MAP7: variants seen among roughly 807,000 people sequenced by gnomAD.
The protein encoded by MAP7 is ensconsin.
In MAP7, 52 loss-of-function variants were observed where a neutral mutation model predicts 94.8. That is an observed-to-expected ratio of 0.55 (90% CI 0.44 to 0.69). The LOEUF is 0.69. Ranked by LOEUF, MAP7 falls within the 30% of genes least tolerant of loss-of-function variation. MAP7 has a pLI of 0.00. For synonymous variants in MAP7, 350 were observed against 357.0 expected (o/e 0.98, Z 0.22); for missense variants, 940 against 964.6 (o/e 0.97, Z 0.34).
chr6:136,348,333 C>T (rs996241208), intron 16 of MAP7, among the ~76,000 whole-genome samples: 4 of 152,170 alleles, frequency 2.6e-5, no homozygotes, highest in African/African-American at 9.7e-5. Flanking sequence ...CTCCACCTGC[C>T]CATTCTACCT....
chr6:136,544,853 G>A (rs150066627), intron 1 of MAP7, among the ~76,000 whole-genome samples: 21 of 152,090 alleles, frequency 1.4e-4, no homozygotes, highest in African/African-American at 4.3e-4. Context: ...CCAGCTACTC[G>A]AACAGCTAAG....
chr6:136,518,659 T>G (rs2129043984), intron 1 of MAP7, among the ~76,000 whole-genome samples: 1 of 152,306 alleles, frequency 6.6e-6, no homozygotes, highest in East Asian at 1.9e-4. Flanking sequence ...TCATTGCTCT[T>G]AAGTTTCTGC....
chr6:136,389,100 T>A (rs895566693), intron 4 of MAP7, among the ~76,000 whole-genome samples: 1 of 152,202 alleles, frequency 6.6e-6, no homozygotes, highest in Non-Finnish European at 1.5e-5. Context: ...TCAGTACAGA[T>A]GAATTGCACT....
In MAP7 at chr6:136,388,488, C is replaced by T. The variant is rs769695371; in HGVS notation, c.431G>A (p.Arg144Gln). 2.5e-5 allele frequency: 41 copies of T among 1,613,912 alleles called. No individual in the cohort carries two copies. Among genetic ancestry groups the T allele is most frequent in the Middle Eastern group, 1.6e-4 (1 of 6,080 alleles). The change falls in exon 5 of 18, where the codon CGG (arginine) becomes CAG (glutamine). Residue 144 changes from arginine to glutamine, a missense_variant. Coordinates refer to ENST00000354570, the MANE Select transcript of MAP7 (RefSeq NM_003980.6). ...EDKERHEAVVRRTMERSQKPK... is the reference protein window; with the variant it reads ...EDKERHEAVVQRTMERSQKPK... ...CTTCTGGCTCCTTTCCATTGTGCGC[C>T]GTACAACAGCTTCGTGGCGTTCCTT...
intron 1 of MAP7, among the ~76,000 whole-genome samples, chr6:136,444,262 A>G (rs1798694429): frequency 6.6e-6 from 1 of 152,166 alleles, no homozygotes. Context: ...CCCCAACTCA[A>G]TGTATGAAAT....
chr6:136,481,050 A>G (rs1459705959), intron 1 of MAP7, among the ~76,000 whole-genome samples: 1 of 152,202 alleles, frequency 6.6e-6, no homozygotes, highest in Non-Finnish European at 1.5e-5. Flanking sequence ...AGAGAAATGC[A>G]AATCAAAACT....
chr6:136,416,699 G>T (rs1789547195), intron 2 of MAP7, among the ~76,000 whole-genome samples: 1 of 152,070 alleles, frequency 6.6e-6, no homozygotes, highest in East Asian at 1.9e-4. Flanking sequence ...CAAGCTACTT[G>T]GGAGGCTGAG....
At chr6:136,474,623 G>A (rs1318544307) in intron 1 of MAP7, among the ~76,000 whole-genome samples, 1 of 152,088 alleles carries the variant, frequency 6.6e-6, no homozygotes, top group Non-Finnish European at 1.5e-5. Flanking sequence ...TAAAATCTGT[G>A]ACAATGTGAT....
intron 1 of MAP7, among the ~76,000 whole-genome samples, chr6:136,510,103 G>A (rs184082784): frequency 1.3e-5 from 2 of 152,306 alleles, no homozygotes; most frequent in Admixed American, 1.3e-4. Flanking sequence ...TCGGGAGGCT[G>A]AGACAGGAGA....
At chr6:136,419,610 G>A (rs562343647) in intron 2 of MAP7, among the ~76,000 whole-genome samples, 2 of 152,200 alleles carry the variant, frequency 1.3e-5, no homozygotes, top group East Asian at 1.9e-4. Flanking sequence ...TTCCCAATAA[G>A]CTCTTATTTT....
intron 1 of MAP7, among the ~76,000 whole-genome samples, chr6:136,433,141 A>G (rs1406742789): frequency 6.6e-6 from 1 of 152,222 alleles, no homozygotes; most frequent in African/African-American, 2.4e-5. Context: ...TCTGAAAAAA[A>G]ACTATGTATA....
At chr6:136,509,918 T>C (rs9389398) in intron 1 of MAP7, among the ~76,000 whole-genome samples, 41,519 of 152,062 alleles carry the variant, frequency 0.27, 7,343 homozygotes, top group African/African-American at 0.49. Flanking sequence ...GATTGAGGTA[T>C]ATGCTGGGCG....
At chr6:136,544,093 T>C (rs1829540993) in intron 1 of MAP7, among the ~76,000 whole-genome samples, 1 of 152,050 alleles carries the variant, frequency 6.6e-6, no homozygotes, top group African/African-American at 2.4e-5. Flanking sequence ...GGCTAATTTT[T>C]GTATTTTCAG....
At chr6:136,422,292 C>A (rs933643588) in intron 1 of MAP7, among the ~76,000 whole-genome samples, 1 of 152,168 alleles carries the variant, frequency 6.6e-6, no homozygotes, top group South Asian at 2.1e-4. Context: ...TAACAGCAGA[C>A]CATGGAAATC....
At chr6:136,392,059 C>T (rs564831853) in intron 3 of MAP7, among the ~76,000 whole-genome samples, 1 of 152,290 alleles carries the variant, frequency 6.6e-6, no homozygotes, top group Admixed American at 6.5e-5. Context: ...GCACCTTGTA[C>T]CAAAGTACAC....
chr6:136,376,712 T>C lies in MAP7; in HGVS notation c.751+1043A>G, dbSNP rs116730111. Among the ~76,000 whole-genome samples, 577 of 152,370 alleles carry C rather than the reference T, an allele frequency of 3.8e-3. 4 individuals carry two copies. The highest frequency in any genetic ancestry group is 0.013 in the African/African-American group (555 of 41,588). ...TGGCTTTGGTGTAAGTCACTTATTGTCGCTGCACTTGGTTTTCATAAGAAG... is the reference window on the plus strand; with the variant it reads ...TGGCTTTGGTGTAAGTCACTTATTGCCGCTGCACTTGGTTTTCATAAGAAG... On this transcript the variant is annotated intron_variant, in intron 7 of 17. Coordinates refer to ENST00000354570, the MANE Select transcript of MAP7 (RefSeq NM_003980.6).
chr6:136,353,564 A>AT (rs937902686), intron 16 of MAP7, among the ~76,000 whole-genome samples: 7 of 151,986 alleles, frequency 4.6e-5, no homozygotes, highest in African/African-American at 1.7e-4. Context: ...AGCTTTATTT[A>AT]TTTTTTTGAG....
At chr6:136,359,719 G>T in intron 15 of MAP7, 101 bp downstream of exon 15, 1 of 1,114,020 alleles carries the variant, frequency 9.0e-7, no homozygotes, top group Admixed American at 2.1e-5. Context: ...TGTAAGCACT[G>T]GATCTTTTTT....
intron 1 of MAP7, among the ~76,000 whole-genome samples, chr6:136,480,641 C>CAAAAA (rs769951186): frequency 0.077 from 1,434 of 18,614 alleles, 6 homozygotes; most frequent in Non-Finnish European, 0.089. Context: ...GACTCTGCCT[C>CAAAAA]AAAAAAAAAA....
Sources: allele counts gnomAD v4.1 joint callset (sites outside exome capture counted in the v4.1 genomes callset), GRCh38; gene constraint gnomAD v4.1.1; transcripts MANE v1.5; gene names NCBI Gene and HGNC (gene_info 2026-07-23, HGNC 2026-07-21).